The following LSP1 variants were observed in gnomAD, a reference collection of about 807,000 sequenced individuals.
The protein encoded by LSP1 is lymphocyte specific protein 1, also known as lymphocyte-specific protein 1.
LSP1 carries 32 observed loss-of-function variants against 49.3 expected under a neutral mutation model. That is an observed-to-expected ratio of 0.65 (90% CI 0.49 to 0.87). The LOEUF (loss-of-function observed/expected upper bound fraction) is 0.87. Among genes scored for constraint, LSP1 ranks in the 40% least tolerant of loss-of-function variants. LSP1 has a pLI of 0.00. For synonymous variants in LSP1, 179 were observed against 178.8 expected, an observed-to-expected ratio of 1.00 and a Z score of -0.01; for missense variants, 428 against 442.6, an observed-to-expected ratio of 0.97 and a Z score of 0.30.
chr11:1,856,252 G>A (rs551969215), intron 1 of LSP1, among the ~76,000 whole-genome samples: 10 of 152,326 alleles, frequency 6.6e-5, no homozygotes, highest in Non-Finnish European at 1.2e-4. Flanking sequence ...TGTCTCCCAC[G>A]GAAAGAACCA....
chr11:1,871,228 A>C (rs1473483584), intron 1 of LSP1: 1 of 986,458 alleles, frequency 1.0e-6, no homozygotes, highest in African/African-American at 1.7e-5. Flanking sequence ...AAGAGCAGGC[A>C]CGGGGCAGGC....
rs376208452 is a variant in LSP1 at position 1,881,522 on chromosome 11, C to T, written c.282C>T (p.His94=). 2.3e-5 allele frequency: 36 copies of T among 1,559,586 alleles called. No individual in the cohort carries two copies. The highest frequency in any genetic ancestry group is 2.3e-4 in the African/African-American group (17 of 73,888). The change falls in exon 3 of 11, where the codon CAC becomes CAT. Residue 94 remains histidine (H), a synonymous_variant. Transcript: ENST00000311604. The stretch of plus-strand genomic sequence containing the variant: ...AGAGGCCAGAGCAGCGGCAGCAGCA[C>T]GAGGGGGCGCAGGGCGCCTTGGACA... ...WSQRPEQRQQ[H]EGAQGALDSG... is the part of the protein sequence containing the mutation.
At chr11:1,871,877 C>T (rs138284862) in intron 1 of LSP1, among the ~76,000 whole-genome samples, 14,562 of 113,118 alleles carry the variant, frequency 0.13, 260 homozygotes, top group African/African-American at 0.18. Flanking sequence ...CCCTGGCGCA[C>T]GCTGGTAGAG....
intron 1 of LSP1, among the ~76,000 whole-genome samples, chr11:1,863,866 G>T (rs1432926852): frequency 2.6e-5 from 4 of 152,184 alleles, no homozygotes; most frequent in Non-Finnish European, 4.4e-5. Flanking sequence ...TGCGTTGGTG[G>T]CGTCTCTGCC....
Position 1,854,342 on chromosome 11 carries a change from A to G in LSP1, c.53+1145A>G, listed in dbSNP as rs571315042. Among the ~76,000 whole-genome samples, 5 of 152,196 alleles carry G rather than the reference A, an allele frequency of 3.3e-5. No homozygotes were observed. The East Asian group carries it at 9.6e-4, about 29-fold the overall frequency. On this transcript the variant is annotated intron_variant, in intron 1 of 10. Coordinates refer to ENST00000311604, the MANE Select transcript of LSP1 (RefSeq NM_002339.3). ...CCCCAAAACTGCAGCCAGGGCTGCT[A>G]CCAGTCTCTGCCTTGGTGCTGACAG...
At chr11:1,866,744 C>A in intron 1 of LSP1, 1 of 1,550,514 alleles carries the variant, frequency 6.4e-7, no homozygotes, top group Admixed American at 2.0e-5. Context: ...TGGGGTCAAT[C>A]CCCCAGGCTC....
At chr11:1,889,032 C>G in intron 10 of LSP1, 1 of 574,100 alleles carries the variant, frequency 1.7e-6, no homozygotes, top group Non-Finnish European at 3.1e-6. Context: ...GCACCCCATG[C>G]CCCTTGGGCC....
chr11:1,889,839 C>T (rs377502508), intron 10 of LSP1: 18 of 634,488 alleles, frequency 2.8e-5, no homozygotes, highest in South Asian at 2.0e-4. Context: ...GGGTGGCGGC[C>T]GTGGTACAGG....
chr11:1,860,354 T>A (rs908454740), intron 1 of LSP1, among the ~76,000 whole-genome samples: 1 of 151,748 alleles, frequency 6.6e-6, no homozygotes, highest in Admixed American at 6.6e-5. Flanking sequence ...CATGGATCGA[T>A]GGACAGGTGG....
chr11:1,859,690 TCCAGCCC>T (rs998818874), intron 1 of LSP1, among the ~76,000 whole-genome samples: 295 of 149,968 alleles, frequency 2.0e-3, no homozygotes, highest in Non-Finnish European at 3.6e-3. Flanking sequence ...CCACCCAGCC[TCCAGCCC>T]CCAGCCCCCA....
At chr11:1,880,268 G>C (rs146975581) in intron 2 of LSP1, 44 bp downstream of exon 2, 5 of 1,518,510 alleles carry the variant, frequency 3.3e-6, no homozygotes, top group East Asian at 2.4e-5. Context: ...GCCCCTATCC[G>C]TGTACCCTGG....
intron 1 of LSP1, chr11:1,864,320 C>A: frequency 1.1e-6 from 1 of 904,638 alleles, no homozygotes; most frequent in Non-Finnish European, 1.3e-6. Flanking sequence ...CAGGGCCTGG[C>A]AGAGGGCATG....
At chr11:1,872,273 G>C (rs1364588499) in intron 1 of LSP1, among the ~76,000 whole-genome samples, 1 of 137,188 alleles carries the variant, frequency 7.3e-6, no homozygotes, top group Non-Finnish European at 1.6e-5. Flanking sequence ...GTTGGGGTCT[G>C]TCCGGCTGGC....
At chr11:1,862,793 G>A (rs1020486195) in intron 1 of LSP1, among the ~76,000 whole-genome samples, 1 of 68,178 alleles carries the variant, frequency 1.5e-5, no homozygotes, top group African/African-American at 5.6e-5. Flanking sequence ...CACCTCCCCT[G>A]GGTGATCTCA....
At chr11:1,873,296 G>A (rs1395683340) in intron 1 of LSP1, among the ~76,000 whole-genome samples, 17 of 151,988 alleles carry the variant, frequency 1.1e-4, no homozygotes, top group Admixed American at 1.1e-3. Context: ...GCCCACTGCG[G>A]CGACCCCGAG....
At position 1,872,784 on chromosome 11, in the gene LSP1, G is replaced by A. The variant is rs577954404; in HGVS notation, c.54-7303G>A. On this transcript the variant is annotated intron_variant, in intron 1 of 10. Transcript: ENST00000311604. ...ACCTTTGGGACGGGGTGTGTGTGGCGGGCATGCCTGGGCTGCAGTCACCCC... is the reference window on the plus strand; with the variant it reads ...ACCTTTGGGACGGGGTGTGTGTGGCAGGCATGCCTGGGCTGCAGTCACCCC... 1.9e-3 allele frequency among the ~76,000 whole-genome samples: 282 copies of A among 151,282 alleles called. 1 individual carries two copies. The highest frequency in any genetic ancestry group is 4.9e-3 in the African/African-American group (201 of 41,118).
rs752018434 is a variant in LSP1 at position 1,881,555 on chromosome 11, GC to G, written c.322del (p.Gln108SerfsTer31). ...CGCAGGGCGCCTTGGACAGCGGAGA[GC>G]CCCCCCAGTGCAGGAGTCCTGAGGG... ...GAQGALDSGE[P>X]PQCRSPEGEQ... On this transcript the variant is annotated frameshift_variant, in exon 3 of 11. Coordinates refer to ENST00000311604, the MANE Select transcript of LSP1 (RefSeq NM_002339.3). LOFTEE classifies it high-confidence loss of function. The G allele has an allele frequency of 7.8e-6, 12 of 1,540,776 alleles. No homozygotes were observed. The highest frequency in any genetic ancestry group is 1.4e-5 in the African/African-American group (1 of 72,714).
intron 1 of LSP1, among the ~76,000 whole-genome samples, chr11:1,864,883 A>T (rs909295968): frequency 6.6e-6 from 1 of 151,590 alleles, no homozygotes; most frequent in African/African-American, 2.4e-5. Context: ...CGGCCCACAG[A>T]CTCCTGTGCC....
At chr11:1,863,429 GC>G (rs1391654709) in intron 1 of LSP1, 2 of 152,296 alleles carry the variant, frequency 1.3e-5, no homozygotes, top group Admixed American at 6.5e-5. Flanking sequence ...TAATTGGGTG[GC>G]CAGCGGCCGG....
Sources: gnomAD v4.1 joint callset for allele counts (sites outside exome capture counted in the v4.1 genomes callset) on GRCh38, gnomAD v4.1.1 for gene constraint, MANE v1.5 for transcripts, NCBI Gene and HGNC (gene_info 2026-07-23, HGNC 2026-07-21) for gene names.